The following HYDIN variants were observed in gnomAD, a reference collection of about 807,000 sequenced individuals.
HYDIN encodes HYDIN axonemal central pair apparatus protein.
HYDIN carries 132 observed loss-of-function variants against 403.9 expected under a neutral mutation model. The observed-to-expected ratio is 0.33, with a 90% CI of 0.28 to 0.38. The LOEUF (loss-of-function observed/expected upper bound fraction) is 0.38, where lower values mean the gene tolerates loss of function less well. HYDIN is among the 10% of genes least tolerant of loss of function. HYDIN has a pLI of 1.00. For synonymous variants in HYDIN, 1,202 were observed against 1,891.7 expected, an observed-to-expected ratio of 0.64 and a Z score of 9.46; for missense variants, 2,827 against 5,009.5, an observed-to-expected ratio of 0.56 and a Z score of 13.15.
chr16:70,845,912 T>C (rs1349166702), intron 75 of HYDIN, among the ~76,000 whole-genome samples: 4 of 149,262 alleles, frequency 2.7e-5, no homozygotes, highest in Non-Finnish European at 4.4e-5. Flanking sequence ...TTTGATTGTG[T>C]CTATTTGATT....
intron 20 of HYDIN, among the ~76,000 whole-genome samples, chr16:71,026,196 G>A (rs1341019471): frequency 2.6e-5 from 4 of 152,284 alleles, no homozygotes; most frequent in South Asian, 2.1e-4. Context: ...CACCGTGCCC[G>A]GCCAAATTTT....
At chr16:71,030,274 A>G (rs2080857755) in intron 19 of HYDIN, among the ~76,000 whole-genome samples, 1 of 151,782 alleles carries the variant, frequency 6.6e-6, no homozygotes, top group Non-Finnish European at 1.5e-5. Flanking sequence ...CTGGTCTCCA[A>G]TTCCTGGGCT....
chr16:70,990,472 G>A (rs1347257717), intron 25 of HYDIN, among the ~76,000 whole-genome samples: 1 of 120,082 alleles, frequency 8.3e-6, no homozygotes, highest in African/African-American at 3.2e-5. Context: ...TGCTTTCATA[G>A]ACTTTTTTCT....
At chr16:71,021,564 G>A (rs1363481658) in intron 21 of HYDIN, among the ~76,000 whole-genome samples, 4 of 152,090 alleles carry the variant, frequency 2.6e-5, no homozygotes, top group African/African-American at 9.7e-5. Flanking sequence ...ATCTCGAGTT[G>A]AGAGTTTCTG....
chr16:70,936,267 G>A (rs1437870215), intron 44 of HYDIN, among the ~76,000 whole-genome samples, 153 bp from the exon 45 acceptor site: 1 of 148,488 alleles, frequency 6.7e-6, no homozygotes, highest in East Asian at 2.0e-4. Flanking sequence ...AAGGAAAGGA[G>A]AAAGGAAGAG....
intron 4 of HYDIN, among the ~76,000 whole-genome samples, chr16:71,178,701 C>T (rs1046884682): frequency 1.3e-5 from 2 of 152,040 alleles, no homozygotes; most frequent in South Asian, 2.1e-4. Context: ...TTAGTGCACA[C>T]GTTGGGAGTT....
intron 10 of HYDIN, among the ~76,000 whole-genome samples, chr16:71,098,458 TC>T (rs1027306137): frequency 6.6e-6 from 1 of 151,790 alleles, no homozygotes; most frequent in Non-Finnish European, 1.5e-5. Context: ...CGCCTCAGCC[TC>T]CCAAAGTGCT....
chr16:71,070,271 CTCCT>C (rs146740657), intron 13 of HYDIN, among the ~76,000 whole-genome samples: 6,819 of 147,076 alleles, frequency 0.046, 239 homozygotes, highest in Middle Eastern at 0.11. Context: ...TTCTTTCTCT[CTCCT>C]TCCTTCCTTC....
chr16:70,992,687 G>A (rs1437139857), intron 23 of HYDIN, among the ~76,000 whole-genome samples: 1 of 151,258 alleles, frequency 6.6e-6, no homozygotes, highest in Non-Finnish European at 1.5e-5. Flanking sequence ...GGAAGTGCAG[G>A]CTCGGGTTTC....
chr16:71,070,928 C>G (rs2082448704), intron 13 of HYDIN, among the ~76,000 whole-genome samples: 2 of 150,778 alleles, frequency 1.3e-5, no homozygotes, highest in Non-Finnish European at 2.9e-5. Context: ...CACCTGCCAA[C>G]CTACTTGGAA....
At chr16:70,842,485 C>A (rs913607844) in intron 75 of HYDIN, among the ~76,000 whole-genome samples, 4 of 151,960 alleles carry the variant, frequency 2.6e-5, no homozygotes, top group African/African-American at 9.7e-5. Context: ...CTTTATCTAT[C>A]GCTAGGAATA....
In HYDIN at chr16:70,807,572, G is replaced by A; in HGVS notation, c.*8C>T. On this transcript the variant is annotated 3_prime_UTR_variant, in exon 86 of 86. Transcript: ENST00000393567. ...GCTTTTGGTTGATACAGGTAACCCTGGTTACCACTAAAGGGTGATCCCCTT... is the reference window on the plus strand; with the variant it reads ...GCTTTTGGTTGATACAGGTAACCCTAGTTACCACTAAAGGGTGATCCCCTT... The A allele has an allele frequency of 3.1e-6, 5 of 1,599,096 alleles. No individual in the cohort carries two copies. The highest frequency in any genetic ancestry group is 4.3e-6 in the Non-Finnish European group (5 of 1,171,878).
At chr16:70,808,441 AAGTGAAAG>A (rs2035241259) in intron 85 of HYDIN, among the ~76,000 whole-genome samples, 1 of 152,126 alleles carries the variant, frequency 6.6e-6, no homozygotes, top group Non-Finnish European at 1.5e-5. Flanking sequence ...CTGTGAGCAG[AAGTGAAAG>A]GTGTCACTTC....
At chr16:70,915,104 G>A (rs376322459) in intron 47 of HYDIN, among the ~76,000 whole-genome samples, 5 of 151,258 alleles carry the variant, frequency 3.3e-5, no homozygotes, top group African/African-American at 1.2e-4. Context: ...CTCTCTGATT[G>A]GCTTAATAAC....
In HYDIN at chr16:70,809,765, A is replaced by G. The variant is rs1424341802; in HGVS notation, c.14883+18T>C. On this transcript the variant is annotated intron_variant, in intron 85 of 85. Transcript: ENST00000393567. Reference sequence around the variant, plus strand: ...TTCATGTGAGGGAAGGGCAGAAGGTAGAGCAGGGGCCACTCACCCTGCAGT... The same window carrying G: ...TTCATGTGAGGGAAGGGCAGAAGGTGGAGCAGGGGCCACTCACCCTGCAGT... 3 of 1,585,346 alleles carry G rather than the reference A, an allele frequency of 1.9e-6. No homozygotes were observed. Among genetic ancestry groups the G allele is most frequent in the Non-Finnish European group, 2.6e-6 (3 of 1,154,160 alleles).
chr16:71,184,770 T>G, intron 3 of HYDIN, 95 bp downstream of exon 3: 1 of 1,041,166 alleles, frequency 9.6e-7, no homozygotes, highest in South Asian at 2.0e-5. Flanking sequence ...CAATAAAGGA[T>G]TAGGTAGCCA....
intron 39 of HYDIN, among the ~76,000 whole-genome samples, chr16:70,957,545 T>G (rs1353741606): frequency 6.6e-6 from 1 of 152,102 alleles, no homozygotes; most frequent in Non-Finnish European, 1.5e-5. Context: ...CGGGCTGGTC[T>G]TGAACTCCTG....
chr16:71,172,793 G>C (rs977691048), intron 5 of HYDIN, among the ~76,000 whole-genome samples: 2 of 152,198 alleles, frequency 1.3e-5, no homozygotes, highest in South Asian at 2.1e-4. Flanking sequence ...AATGAGAATG[G>C]AGAGTGTTCA....
intron 1 of HYDIN, among the ~76,000 whole-genome samples, chr16:71,191,060 C>T (rs1053933724): frequency 6.6e-6 from 1 of 152,124 alleles, no homozygotes; most frequent in African/African-American, 2.4e-5. Context: ...CAACCAAATA[C>T]AAGAGTAGAC....
Sources: gnomAD v4.1 joint callset for allele counts (sites outside exome capture counted in the v4.1 genomes callset) on GRCh38, gnomAD v4.1.1 for gene constraint, MANE v1.5 for transcripts, NCBI Gene and HGNC (gene_info 2026-07-23, HGNC 2026-07-21) for gene names.